Variants in ARHGAP4 observed in about 807,000 individuals in gnomAD.
The protein encoded by ARHGAP4 is Rho GTPase activating protein 4, also known as rho GTPase-activating protein 4.
A neutral mutation model predicts 67.6 loss-of-function variants in ARHGAP4; 25 were observed. The observed-to-expected ratio is 0.37, with a 90% CI of 0.27 to 0.52. The LOEUF (loss-of-function observed/expected upper bound fraction) is 0.52. Ranked by LOEUF, ARHGAP4 falls within the 20% of genes least tolerant of loss-of-function variation. The pLI, the probability that ARHGAP4 is intolerant of heterozygous loss-of-function variation, is 0.92. For synonymous variants in ARHGAP4, 448 were observed against 373.7 expected (o/e 1.20, Z -2.29); for missense variants, 804 against 854.6 (o/e 0.94, Z 0.74).
In ARHGAP4 at chrX:153,910,754, G is replaced by C. The variant is rs74331897; in HGVS notation, c.1762C>G (p.Leu588Val). The C allele has an allele frequency of 5.7e-4, 673 of 1,190,908 alleles. 6 individuals carry two copies. In the African/African-American group the frequency reaches 0.011, roughly 19 times the overall value. ...TCTGGGGGGAAGAGTGGGGGCTCCA[G>C]GCTCCGGAAGTAGAGCTTCAGCACC... ...AGVLKLYFRS[L>V]EPPLFPPDLF... The change falls in exon 15 of 22, where the codon CTG becomes GTG. Residue 588 changes from leucine to valine, a missense_variant. Leu to Val is a conservative substitution (Grantham distance 32, BLOSUM62 1). This residue lies in a region of ARHGAP4 where 400 missense variants were observed against 348.7 expected (regional missense o/e 1.15). Transcript: ENST00000350060.
Position 153,922,468 on chromosome X carries a change from C to T in ARHGAP4, c.68-659G>A, listed in dbSNP as rs1299275103. 9.5e-6 allele frequency: 7 copies of T among 737,736 alleles called. No individual in the cohort carries two copies. The African/African-American group carries it at 1.4e-4, about 15-fold the overall frequency. 60.8% of individuals were successfully genotyped at this position (737,736 alleles called of 1,213,427 possible). ...CTTCCCACTCCCAATCACCCCCCGC[C>T]CCACCTGTGCATTCCCCCACCCTGC... On this transcript the variant is annotated intron_variant, in intron 1 of 21. Transcript: ENST00000350060.
chrX:153,908,043 A>G, intron 21 of ARHGAP4, 81 bp from the exon 22 acceptor site: 1 of 897,523 alleles, frequency 1.1e-6, no homozygotes, highest in South Asian at 3.4e-5. Context: ...AGTTCCTCCC[A>G]CTCCCAAAGC....
intron 1 of ARHGAP4, among the ~76,000 whole-genome samples, chrX:153,924,186 C>G (rs1162997982): frequency 8.9e-6 from 1 of 112,055 alleles, no homozygotes; most frequent in Non-Finnish European, 1.9e-5. Flanking sequence ...CTGCTTCCCC[C>G]AGAGGAATAC....
At chrX:153,917,440 A>G (rs782793490) in intron 7 of ARHGAP4, among the ~76,000 whole-genome samples, 1 of 110,603 alleles carries the variant, frequency 9.0e-6, no homozygotes, top group Admixed American at 9.6e-5. Context: ...GAAAGATTCA[A>G]GAAGTACTGT....
At chrX:153,917,303 G>A (rs781869589) in intron 7 of ARHGAP4, among the ~76,000 whole-genome samples, 20 of 111,407 alleles carry the variant, frequency 1.8e-4, no homozygotes, top group Non-Finnish European at 3.2e-4. Flanking sequence ...CCAGCTACTC[G>A]GGAGGCTGAG....
intron 1 of ARHGAP4, 170 bp from the exon 2 acceptor site, chrX:153,921,979 C>G (rs1227937432): frequency 1.2e-6 from 1 of 833,928 alleles, no homozygotes. Context: ...AGGAAAGAAG[C>G]TAGGCCCCTG....
chrX:153,911,309 G>C, intron 12 of ARHGAP4, 120 bp from the exon 13 acceptor site: 1 of 618,714 alleles, frequency 1.6e-6, no homozygotes, highest in Non-Finnish European at 2.3e-6. Flanking sequence ...CCAGGCTGAA[G>C]TGCACTGGCG....
chrX:153,919,759 T>C (rs1185464585), intron 5 of ARHGAP4: 5 of 1,000,450 alleles, frequency 5.0e-6, no homozygotes, highest in African/African-American at 2.0e-5. Context: ...TGCTGGCACC[T>C]GGGTTCTAAA....
intron 5 of ARHGAP4, chrX:153,919,602 A>G: frequency 8.6e-7 from 1 of 1,166,240 alleles, no homozygotes. Context: ...GCACCCCACC[A>G]TGGAGGGTGC....
At chrX:153,917,497 T>C (rs1256990711) in intron 7 of ARHGAP4, among the ~76,000 whole-genome samples, 2 of 112,166 alleles carry the variant, frequency 1.8e-5, no homozygotes, top group Admixed American at 9.4e-5. Flanking sequence ...GTGGCACACC[T>C]GTAATCCCAG....
At chrX:153,912,982 T>C (rs1199788433) in intron 11 of ARHGAP4, 42 bp downstream of exon 11, 1 of 1,142,100 alleles carries the variant, frequency 8.8e-7, no homozygotes, top group Admixed American at 2.7e-5. Flanking sequence ...AGAGAAGAGA[T>C]GGCGGACCGT....
At chrX:153,923,501 T>C (rs1221742003) in intron 1 of ARHGAP4, among the ~76,000 whole-genome samples, 1 of 111,823 alleles carries the variant, frequency 8.9e-6, no homozygotes, top group Non-Finnish European at 1.9e-5. Context: ...CCCACCAGAC[T>C]AGCCAGGTGA....
chrX:153,919,781 A>G (rs930264752), intron 5 of ARHGAP4: 1 of 760,418 alleles, frequency 1.3e-6, no homozygotes. Context: ...CTGGCACTCT[A>G]TTTTTTTTTT....
intron 1 of ARHGAP4, among the ~76,000 whole-genome samples, chrX:153,923,301 C>T (rs2065107536): frequency 8.9e-6 from 1 of 111,879 alleles, no homozygotes; most frequent in South Asian, 3.7e-4. Flanking sequence ...CATTGGATTT[C>T]TGTCCCGCCA....
At position 153,919,585 on chromosome X, in the gene ARHGAP4, G is replaced by C. The variant is rs782674485; in HGVS notation, c.682-302C>G. On this transcript the variant is annotated intron_variant, in intron 5 of 21. Coordinates refer to ENST00000350060, the MANE Select transcript of ARHGAP4 (RefSeq NM_001666.5). The stretch of plus-strand genomic sequence containing the variant: ...CAGATACCTGATGAGTGGAAGGTGC[G>C]CACATGGCACCCCACCATGGAGGGT... The C allele has an allele frequency of 9.5e-6, 11 of 1,163,774 alleles. No individual in the cohort carries two copies. In the South Asian group the frequency reaches 2.1e-4, roughly 22 times the overall value.
chrX:153,909,572 T>G, intron 19 of ARHGAP4, 37 bp from the exon 20 acceptor site: 2 of 1,130,880 alleles, frequency 1.8e-6, no homozygotes, highest in Non-Finnish European at 2.3e-6. Flanking sequence ...CGAGTGCTCC[T>G]TCCCTGCACG....
At position 153,910,059 on chromosome X, in the gene ARHGAP4, G is replaced by A. The variant is rs201193891; in HGVS notation, c.2183C>T (p.Ala728Val). The change falls in exon 18 of 22, where the codon GCG (alanine) becomes GTG (valine). Residue 728 changes from alanine (A) to valine (V), a missense_variant. Transcript: ENST00000350060. Reference protein sequence around the residue: ...LGDAQLESLGADNEPELEAEM... With the variant: ...LGDAQLESLGVDNEPELEAEM... ...GGCTTCCAGCTCCGGCTCATTGTCC[G>A]CCCCCAGGCTCTCCAGCTGGGCGTC... 1.1e-5 allele frequency: 13 copies of A among 1,209,818 alleles called. No homozygotes were observed. The highest frequency in any genetic ancestry group is 5.9e-5 in the East Asian group (2 of 33,716).
chrX:153,920,143 T>C (rs2065083028), intron 5 of ARHGAP4, among the ~76,000 whole-genome samples: 1 of 111,876 alleles, frequency 8.9e-6, no homozygotes, highest in Non-Finnish European at 1.9e-5. Flanking sequence ...AGCCAAACTC[T>C]GTCATTTCCC....
At chrX:153,910,889 G>GGCCCCCCCC in intron 14 of ARHGAP4, 33 bp downstream of exon 14, 10 of 1,147,274 alleles carry the variant, frequency 8.7e-6, no homozygotes, top group Non-Finnish European at 1.2e-5. Flanking sequence ...ATCTGCCCGA[G>GGCCCCCCCC]CCCCCACCCC....
Sources: gnomAD v4.1 joint callset for allele counts (sites outside exome capture counted in the v4.1 genomes callset) on GRCh38, gnomAD v4.1.1 for gene constraint, gnomAD v4.1.1 regional missense constraint, MANE v1.5 for transcripts, NCBI Gene and HGNC (gene_info 2026-07-23, HGNC 2026-07-21) for gene names.